KCNIP4: variants seen among roughly 807,000 people sequenced by gnomAD.
The protein encoded by KCNIP4 is potassium voltage-gated channel interacting protein 4, also known as Kv channel-interacting protein 4.
KCNIP4 carries 12 observed loss-of-function variants against 34.0 expected under a neutral mutation model. The observed-to-expected ratio is 0.35, with a 90% confidence interval of 0.23 to 0.57. KCNIP4 has a LOEUF of 0.57. Among genes scored for constraint, KCNIP4 ranks in the 20% least tolerant of loss-of-function variants. KCNIP4 has a pLI of 0.83. For synonymous variants in KCNIP4, 124 were observed against 102.2 expected (o/e 1.21, Z -1.29); for missense variants, 238 against 311.7 (o/e 0.76, Z 1.78).
chr4:21,343,238 T>G (rs1049459446), intron 1 of KCNIP4, among the ~76,000 whole-genome samples: 1 of 151,976 alleles, frequency 6.6e-6, no homozygotes, highest in African/African-American at 2.4e-5. Flanking sequence ...ATGTACATAA[T>G]GTACTTGGAG....
intron 1 of KCNIP4, among the ~76,000 whole-genome samples, chr4:21,087,056 T>C (rs1254097429): frequency 6.7e-6 from 1 of 148,718 alleles, no homozygotes; most frequent in Admixed American, 6.7e-5. Flanking sequence ...CTCGGCTCAC[T>C]GCAACCTCCA....
intron 1 of KCNIP4, among the ~76,000 whole-genome samples, chr4:21,664,669 C>A (rs1351843701): frequency 6.6e-6 from 1 of 152,034 alleles, no homozygotes; most frequent in Non-Finnish European, 1.5e-5. Flanking sequence ...GCTTAATCTC[C>A]TGTCTCTCAG....
At chr4:20,742,188 G>C (rs929693340) in intron 5 of KCNIP4, among the ~76,000 whole-genome samples, 1 of 152,116 alleles carries the variant, frequency 6.6e-6, no homozygotes, top group Non-Finnish European at 1.5e-5. Context: ...CCAATCAACA[G>C]AAAAAGAGGG....
At chr4:21,812,717 C>T (rs1055653799) in intron 1 of KCNIP4, among the ~76,000 whole-genome samples, 3 of 151,962 alleles carry the variant, frequency 2.0e-5, no homozygotes, top group Admixed American at 6.6e-5. Flanking sequence ...GAAAATCAAC[C>T]ACAAGAACAC....
At chr4:20,799,077 G>A (rs914274980) in intron 3 of KCNIP4, among the ~76,000 whole-genome samples, 1 of 152,128 alleles carries the variant, frequency 6.6e-6, no homozygotes, top group Non-Finnish European at 1.5e-5. Flanking sequence ...ATTGCAACAT[G>A]CACACTCCAT....
Position 21,711,060 on chromosome 4 carries a change from T to C in KCNIP4, c.61+237511A>G, listed in dbSNP as rs191409596. On this transcript the variant is annotated intron_variant, in intron 1 of 8. Coordinates refer to ENST00000382152, the MANE Select transcript of KCNIP4 (RefSeq NM_025221.6). ...AGTAATAAAGCAAGTTAAGAAGATA[T>C]GTACATGTGATATGTATGATCCTAC... Among the ~76,000 whole-genome samples, 48 of 152,334 alleles carry C rather than the reference T, an allele frequency of 3.2e-4. No homozygotes were observed. The East Asian group carries it at 8.7e-3, about 28-fold the overall frequency.
chr4:21,685,556 A>G (rs1015639791), intron 1 of KCNIP4, among the ~76,000 whole-genome samples: 1 of 152,226 alleles, frequency 6.6e-6, no homozygotes, highest in African/African-American at 2.4e-5. Flanking sequence ...GGAATGGGAG[A>G]GTAATAATCA....
At chr4:21,482,227 C>T (rs2109835791) in intron 1 of KCNIP4, among the ~76,000 whole-genome samples, 1 of 152,194 alleles carries the variant, frequency 6.6e-6, no homozygotes, top group East Asian at 1.9e-4. Context: ...GATGGGTTTC[C>T]TGAATATAGC....
intron 1 of KCNIP4, among the ~76,000 whole-genome samples, chr4:21,416,589 G>C (rs1409799160): frequency 6.6e-6 from 1 of 152,160 alleles, no homozygotes; most frequent in South Asian, 2.1e-4. Context: ...AAAATGGTTG[G>C]AAGACAGGAA....
chr4:21,609,923 T>C (rs1432775539), intron 1 of KCNIP4, among the ~76,000 whole-genome samples: 3 of 152,220 alleles, frequency 2.0e-5, no homozygotes, highest in African/African-American at 7.2e-5. Context: ...ACTATCTGAA[T>C]TGAAATATTA....
intron 1 of KCNIP4, among the ~76,000 whole-genome samples, chr4:20,986,146 T>A (rs1736556786): frequency 6.6e-6 from 1 of 152,112 alleles, no homozygotes; most frequent in Non-Finnish European, 1.5e-5. Flanking sequence ...TGAAACGACT[T>A]TGCTTTTCCC....
intron 1 of KCNIP4, among the ~76,000 whole-genome samples, chr4:21,517,106 C>A (rs930401618): frequency 6.6e-6 from 1 of 152,058 alleles, no homozygotes; most frequent in Non-Finnish European, 1.5e-5. Flanking sequence ...AATGGAAATT[C>A]TAAGGCTTCA....
intron 1 of KCNIP4, among the ~76,000 whole-genome samples, chr4:21,048,479 C>G (rs1390868435): frequency 2.0e-5 from 3 of 152,198 alleles, no homozygotes. Context: ...CGCACTATCT[C>G]TGTCACATTA....
intron 3 of KCNIP4, among the ~76,000 whole-genome samples, chr4:20,823,739 G>C (rs1043989797): frequency 1.3e-5 from 2 of 152,168 alleles, no homozygotes; most frequent in Non-Finnish European, 2.9e-5. Flanking sequence ...CCACTCCATA[G>C]TATTCTTTTA....
intron 1 of KCNIP4, among the ~76,000 whole-genome samples, chr4:21,400,512 CCTCTTCTCTTCTCTTCTCTTCTCTT>C (rs151019011): frequency 0.025 from 2,608 of 105,046 alleles, 63 homozygotes; most frequent in Admixed American, 0.046. Context: ...CCCCTCCCTT[CCTCTTCTCTTCTCTTCTCTTCTCTT>C]CTCTTCTCTT....
At chr4:21,070,606 T>C (rs1425880549) in intron 1 of KCNIP4, among the ~76,000 whole-genome samples, 1 of 151,636 alleles carries the variant, frequency 6.6e-6, no homozygotes, top group African/African-American at 2.4e-5. Context: ...AAGTATGTGT[T>C]CATATCTTTT....
chr4:20,874,455 C>T (rs539834811), intron 2 of KCNIP4, among the ~76,000 whole-genome samples: 19 of 152,216 alleles, frequency 1.2e-4, no homozygotes, highest in Non-Finnish European at 2.4e-4. Context: ...GGAACTATTG[C>T]TTTTCAAATA....
intron 1 of KCNIP4, among the ~76,000 whole-genome samples, chr4:21,759,596 T>C (rs938082730): frequency 6.6e-6 from 1 of 152,186 alleles, no homozygotes; most frequent in Non-Finnish European, 1.5e-5. Context: ...AATATGTCTT[T>C]GACCCTGAGA....
chr4:21,881,618 G>A (rs1041509835), intron 1 of KCNIP4, among the ~76,000 whole-genome samples: 11 of 152,090 alleles, frequency 7.2e-5, no homozygotes, highest in African/African-American at 1.4e-4. Flanking sequence ...ACGTTGATAC[G>A]CACACAGTAT....
Sources: allele counts gnomAD v4.1 joint callset (sites outside exome capture counted in the v4.1 genomes callset), GRCh38; gene constraint gnomAD v4.1.1; transcripts MANE v1.5; gene names NCBI Gene and HGNC (gene_info 2026-07-23, HGNC 2026-07-21).